TXK: variants seen among roughly 807,000 people sequenced by gnomAD.
The protein encoded by TXK is TXK tyrosine kinase.
In TXK, 60 loss-of-function variants were observed where a neutral mutation model predicts 81.0. That is an observed-to-expected ratio of 0.74 (90% CI 0.60 to 0.92). TXK has a LOEUF of 0.92. TXK is among the 40% of genes least tolerant of loss of function. The pLI is 0.00. For synonymous variants in TXK, 203 were observed against 210.7 expected, an observed-to-expected ratio of 0.96 and a Z score of 0.32; for missense variants, 581 against 638.3, an observed-to-expected ratio of 0.91 and a Z score of 0.97.
Position 48,067,725 on chromosome 4 carries a change from G to A in TXK, c.1516-20C>T. 6.2e-7 allele frequency: 1 copy of A among 1,612,306 alleles called. No homozygotes were observed. Among genetic ancestry groups the A allele is most frequent in the Non-Finnish European group, 8.5e-7 (1 of 1,178,402 alleles). ...AGGTTTCTGGAAAAGGGAAGTGGGG[G>A]TGGTTAGCTCAGCTTAACCAACTTA... On this transcript the variant is annotated intron_variant, in intron 14 of 14. Coordinates refer to ENST00000264316, the MANE Select transcript of TXK (RefSeq NM_003328.3).
intron 8 of TXK, among the ~76,000 whole-genome samples, chr4:48,092,372 G>A (rs531917474): frequency 1.3e-5 from 2 of 152,296 alleles, no homozygotes; most frequent in Admixed American, 6.5e-5. Context: ...GTCAAACATC[G>A]AAGGAGCAAC....
intron 1 of TXK, among the ~76,000 whole-genome samples, chr4:48,126,646 A>C (rs893203955): frequency 1.3e-5 from 2 of 149,636 alleles, no homozygotes; most frequent in Non-Finnish European, 3.0e-5. Flanking sequence ...GACTACAGGC[A>C]CACTCCACCA....
intron 1 of TXK, among the ~76,000 whole-genome samples, chr4:48,132,817 G>A (rs890787186): frequency 1.3e-5 from 2 of 151,980 alleles, no homozygotes; most frequent in African/African-American, 4.8e-5. Context: ...ATGGTGGCAT[G>A]CGCCTGTAGT....
chr4:48,105,021 T>C lies in TXK; in HGVS notation c.447-66A>G, dbSNP rs556780956. 7 of 1,155,294 alleles carry C rather than the reference T, an allele frequency of 6.1e-6. No homozygotes were observed. The Admixed American group carries it at 9.6e-5, about 16-fold the overall frequency. The allele number at this position is 1,155,294 out of a possible 1,614,324, so 71.6% of individuals were successfully genotyped here. The stretch of plus-strand genomic sequence containing the variant: ...ATTTTTTTAAGAAAAAAGTGCTTCA[T>C]TTTCTTCATTTTTAAGAACTTACTT... On this transcript the variant is annotated intron_variant, in intron 5 of 14. Transcript: ENST00000264316.
At chr4:48,071,766 T>C (rs892998795) in intron 13 of TXK, 92 bp from the exon 14 acceptor site, 4 of 1,448,788 alleles carry the variant, frequency 2.8e-6, no homozygotes, top group East Asian at 4.6e-5. Flanking sequence ...GCATTATTTT[T>C]GTGCTCCAGG....
At chr4:48,134,020 C>A in intron 1 of TXK, 135 bp downstream of exon 1, 1 of 912,548 alleles carries the variant, frequency 1.1e-6, no homozygotes, top group Non-Finnish European at 1.6e-6. Flanking sequence ...AAAACTCTGT[C>A]ACAACATCTG....
chr4:48,089,927 C>A, intron 8 of TXK, 103 bp from the exon 9 acceptor site: 1 of 774,700 alleles, frequency 1.3e-6, no homozygotes, highest in Non-Finnish European at 2.0e-6. Context: ...ATTAGACAAA[C>A]AAAATTCATT....
intron 1 of TXK, among the ~76,000 whole-genome samples, chr4:48,114,818 G>A (rs1290186222): frequency 6.6e-6 from 1 of 152,014 alleles, no homozygotes; most frequent in East Asian, 1.9e-4. Context: ...TAAAACATAG[G>A]CTCTTTTTAA....
intron 13 of TXK, 131 bp from the exon 14 acceptor site, chr4:48,071,805 G>T: frequency 2.0e-6 from 2 of 999,986 alleles, no homozygotes; most frequent in Non-Finnish European, 2.9e-6. Context: ...CTGAATAACA[G>T]CGGTTCTGTC....
chr4:48,073,837 T>A, intron 13 of TXK, 98 bp downstream of exon 13: 1 of 835,202 alleles, frequency 1.2e-6, no homozygotes. Context: ...GAAGACTTTT[T>A]AAAAAATGCT....
At chr4:48,079,147 T>C (rs1457629052) in intron 11 of TXK, among the ~76,000 whole-genome samples, 4 of 152,218 alleles carry the variant, frequency 2.6e-5, no homozygotes, top group Non-Finnish European at 4.4e-5. Flanking sequence ...TTCCTGGGCG[T>C]AGGCTAAACT....
At chr4:48,067,890 T>G (rs553089920) in intron 14 of TXK, among the ~76,000 whole-genome samples, 185 bp from the exon 15 acceptor site, 105 of 152,270 alleles carry the variant, frequency 6.9e-4, no homozygotes, top group African/African-American at 2.4e-3. Context: ...AGGCTAAGGA[T>G]CACTCAGAGA....
At chr4:48,091,106 A>C (rs1159784824) in intron 8 of TXK, among the ~76,000 whole-genome samples, 1 of 152,230 alleles carries the variant, frequency 6.6e-6, no homozygotes, top group Non-Finnish European at 1.5e-5. Flanking sequence ...AGGCCATTCT[A>C]ATGTGAAAGG....
chr4:48,080,662 T>TCACACACACACACACACACA (rs57819050), intron 10 of TXK, among the ~76,000 whole-genome samples: 1 of 144,476 alleles, frequency 6.9e-6, no homozygotes, highest in African/African-American at 2.6e-5. Flanking sequence ...TATTTGGTAA[T>TCACACACACACACACACACA]CACACACACA....
At chr4:48,102,138 C>T (rs1718215771) in intron 6 of TXK, among the ~76,000 whole-genome samples, 1 of 152,086 alleles carries the variant, frequency 6.6e-6, no homozygotes, top group African/African-American at 2.4e-5. Flanking sequence ...GCCACCATGC[C>T]TGGCTAATTT....
chr4:48,076,041 GAAAA>G (rs566047506), intron 12 of TXK, among the ~76,000 whole-genome samples: 67 of 152,284 alleles, frequency 4.4e-4, no homozygotes, highest in African/African-American at 1.5e-3. Context: ...TGAGGACACA[GAAAA>G]ATCAGAGCTG....
intron 1 of TXK, among the ~76,000 whole-genome samples, chr4:48,117,592 G>A (rs920495400): frequency 1.2e-4 from 19 of 152,106 alleles, no homozygotes; most frequent in East Asian, 1.9e-4. Context: ...TCTTGGCAAC[G>A]GAATCTCCAA....
chr4:48,130,079 A>T (rs2109489709), intron 1 of TXK, among the ~76,000 whole-genome samples: 1 of 152,296 alleles, frequency 6.6e-6, no homozygotes, highest in Non-Finnish European at 1.5e-5. Context: ...TAAAAACTGA[A>T]ATGATTTAAA....
In TXK at chr4:48,112,499, C is replaced by T. The variant is rs1190391434; in HGVS notation, c.188G>A (p.Arg63His). The T allele has an allele frequency of 4.3e-6, 7 of 1,613,672 alleles. No individual in the cohort carries two copies. The East Asian group carries it at 6.7e-5, about 15-fold the overall frequency. Residue 63 changes from arginine (R) to histidine (H), a missense_variant, in exon 4 of 15, where the codon CGT becomes CAT. By Grantham distance (29) the Arg-to-His change is conservative. Coordinates refer to ENST00000264316, the MANE Select transcript of TXK (RefSeq NM_003328.3). ...TGGCTTTCGTTTTGACGGCTGCACA[C>T]GGCCCGTGTTGGACTGTGAAAACCA... ...LSNKKQSNTG[R>H]VQPSKRKPLP...
Sources: gnomAD v4.1 joint callset for allele counts (sites outside exome capture counted in the v4.1 genomes callset) on GRCh38, gnomAD v4.1.1 for gene constraint, MANE v1.5 for transcripts, NCBI Gene and HGNC (gene_info 2026-07-23, HGNC 2026-07-21) for gene names.